Variants in TASP1 observed in about 807,000 individuals in gnomAD.
TASP1 encodes threonine aspartase 1.
A neutral mutation model predicts 56.6 loss-of-function variants in TASP1; 16 were observed. The ratio of observed to expected loss-of-function variants is 0.28; its 90% CI spans 0.19 to 0.43. The LOEUF is 0.43. Ranked by LOEUF, TASP1 falls within the 20% of genes least tolerant of loss-of-function variation. The pLI is 1.00. For missense variants in TASP1, 393 were observed against 511.6 expected (o/e 0.77, Z 2.24); for synonymous variants, 179 against 184.2 (o/e 0.97, Z 0.23).
At position 13,584,842 on chromosome 20, in the gene TASP1, G is replaced by A. The variant is rs1053960763; in HGVS notation, c.403+2408C>T. Among the ~76,000 whole-genome samples the A allele has an allele frequency of 6.6e-5, 10 of 152,064 alleles. 1 individual carries two copies. The East Asian group carries it at 9.7e-4, about 15-fold the overall frequency. ...GAAATAGACAAATTCCTAGAAAAACGCACATGAAAAATAAAATATAATCAT... is the reference window on the plus strand; with the variant it reads ...GAAATAGACAAATTCCTAGAAAAACACACATGAAAAATAAAATATAATCAT... On this transcript the variant is annotated intron_variant, in intron 5 of 13. Transcript: ENST00000337743.
chr20:13,342,251 A>C, the TASP1 span, among the ~76,000 whole-genome samples: 6 of 152,198 alleles, frequency 3.9e-5, no homozygotes, highest in African/African-American at 1.4e-4. Context: ...TTGTTTTTCC[A>C]GCAGGGCGCA....
rs2046852285 is a variant in TASP1 at position 13,575,131 on chromosome 20, A to G, written c.489-5545T>C. On this transcript the variant is annotated intron_variant, in intron 6 of 13. Transcript: ENST00000337743. ...GGATAATATATTATGACCAAGTAGA[A>G]TTTATCCCAGGAATGCAAGTGCTGC... Among the ~76,000 whole-genome samples, 2 of 152,204 alleles carry G rather than the reference A, an allele frequency of 1.3e-5. 1 individual carries two copies. The highest frequency in any genetic ancestry group is 1.3e-4 in the Admixed American group (2 of 15,272).
At chr20:13,142,986 A>C in the TASP1 span, among the ~76,000 whole-genome samples, 3 of 152,202 alleles carry the variant, frequency 2.0e-5, no homozygotes, top group Non-Finnish European at 2.9e-5. Flanking sequence ...GGCTCTCTTA[A>C]TTAGGACTTC....
At chr20:13,333,872 A>G in the TASP1 span, among the ~76,000 whole-genome samples, 5 of 152,226 alleles carry the variant, frequency 3.3e-5, no homozygotes, top group African/African-American at 4.8e-5. Flanking sequence ...TTAAACATCA[A>G]TTATGATACT....
intron 6 of TASP1, among the ~76,000 whole-genome samples, chr20:13,579,431 C>T (rs917575036): frequency 6.6e-6 from 1 of 151,518 alleles, no homozygotes; most frequent in Non-Finnish European, 1.5e-5. Flanking sequence ...TGAAGTGGCG[C>T]GATCTCAGCT....
rs562226661 is a variant in TASP1, at chr20:13,394,438, G to A, written c.1171-3986C>T. Among the ~76,000 whole-genome samples, 32 of 151,194 alleles carry A rather than the reference G, an allele frequency of 2.1e-4. No homozygotes were observed. In the East Asian group the frequency reaches 3.3e-3, roughly 16 times the overall value. On this transcript the variant is annotated intron_variant, in intron 13 of 13. Coordinates refer to ENST00000337743, the MANE Select transcript of TASP1 (RefSeq NM_017714.3). ...ATCCTGGCTAACATGGTGAAACCCC[G>A]TCTCTACTAAAAATACAAAAAAAAT...
chr20:13,498,704 AT>A (rs1271186989), intron 10 of TASP1, among the ~76,000 whole-genome samples: 1 of 150,412 alleles, frequency 6.6e-6, no homozygotes, highest in Admixed American at 6.6e-5. Flanking sequence ...AAAAAAAAAA[AT>A]GTTCAACATC....
the TASP1 span, among the ~76,000 whole-genome samples, chr20:13,129,692 C>G: frequency 6.6e-6 from 1 of 152,212 alleles, no homozygotes; most frequent in Non-Finnish European, 1.5e-5. Flanking sequence ...CTTCCCTCCT[C>G]CGATTGGTTC....
intron 13 of TASP1, among the ~76,000 whole-genome samples, chr20:13,391,048 G>C (rs2041253843): frequency 6.6e-6 from 1 of 152,218 alleles, no homozygotes; most frequent in African/African-American, 2.4e-5. Flanking sequence ...CGTGCCAGAG[G>C]CAAGCCTGCT....
chr20:13,264,179 C>A, the TASP1 span, among the ~76,000 whole-genome samples: 1 of 152,310 alleles, frequency 6.6e-6, no homozygotes, highest in African/African-American at 2.4e-5. Context: ...AGGGCCTGTT[C>A]TTTGCCTTTC....
At chr20:13,342,935 T>A in the TASP1 span, among the ~76,000 whole-genome samples, 4 of 152,246 alleles carry the variant, frequency 2.6e-5, no homozygotes, top group East Asian at 7.7e-4. Flanking sequence ...AGATCGTGAC[T>A]GGCAGAGATA....
intron 7 of TASP1, among the ~76,000 whole-genome samples, chr20:13,562,148 A>G (rs1176725600): frequency 6.6e-6 from 1 of 152,208 alleles, no homozygotes; most frequent in Non-Finnish European, 1.5e-5. Flanking sequence ...GAAAACTGGA[A>G]AATGCACAAA....
the TASP1 span, among the ~76,000 whole-genome samples, chr20:13,339,222 C>G: frequency 6.6e-6 from 1 of 152,252 alleles, no homozygotes; most frequent in African/African-American, 2.4e-5. Context: ...CTTTGACACA[C>G]CCAAGAGAAG....
intron 13 of TASP1, among the ~76,000 whole-genome samples, chr20:13,408,678 A>G (rs1313412163): frequency 6.6e-6 from 1 of 152,174 alleles, no homozygotes; most frequent in Non-Finnish European, 1.5e-5. Flanking sequence ...AATTTCTTAA[A>G]TATGTAAATG....
At chr20:13,580,841 T>C (rs2047094673) in intron 6 of TASP1, 56 bp downstream of exon 6, 17 of 1,566,474 alleles carry the variant, frequency 1.1e-5, no homozygotes, top group South Asian at 7.8e-5. Flanking sequence ...GCATCAGCCT[T>C]CTGTGGATAA....
chr20:13,547,837 T>C (rs1468923320), intron 8 of TASP1, among the ~76,000 whole-genome samples: 1 of 152,184 alleles, frequency 6.6e-6, no homozygotes, highest in African/African-American at 2.4e-5. Context: ...AAATGTTTAT[T>C]GAGCATTTAT....
chr20:13,229,168 G>A, the TASP1 span, among the ~76,000 whole-genome samples: 1 of 142,910 alleles, frequency 7.0e-6, no homozygotes, highest in African/African-American at 2.6e-5. Context: ...ATTTTTTAAA[G>A]TTTTTTAAAA....
At chr20:13,504,828 C>T (rs1344686177) in intron 10 of TASP1, among the ~76,000 whole-genome samples, 2 of 151,824 alleles carry the variant, frequency 1.3e-5, no homozygotes, top group Non-Finnish European at 2.9e-5. Flanking sequence ...ATAGTAACTA[C>T]AAAGCAAAAG....
the TASP1 span, among the ~76,000 whole-genome samples, chr20:13,262,497 C>T: frequency 1.4e-5 from 2 of 147,848 alleles, no homozygotes; most frequent in South Asian, 4.3e-4. Flanking sequence ...ACTTTCCACT[C>T]GTGTACTCTG....
Sources: gnomAD v4.1 joint callset for allele counts (sites outside exome capture counted in the v4.1 genomes callset) on GRCh38, gnomAD v4.1.1 for gene constraint, MANE v1.5 for transcripts, NCBI Gene and HGNC (gene_info 2026-07-23, HGNC 2026-07-21) for gene names.